The following ERCC1 variants were observed in gnomAD, a reference collection of about 807,000 sequenced individuals.
ERCC1 encodes DNA excision repair protein ERCC-1.
A neutral mutation model predicts 37.6 loss-of-function variants in ERCC1; 36 were observed. The observed-to-expected ratio is 0.96, with a 90% CI of 0.73 to 1.26. The LOEUF (loss-of-function observed/expected upper bound fraction) is 1.26, where lower values mean the gene tolerates loss of function less well. ERCC1 is among the 50% of genes most tolerant of loss of function. ERCC1 has a pLI of 0.00. For missense variants in ERCC1, 349 were observed against 376.5 expected, an observed-to-expected ratio of 0.93 and a Z score of 0.60; for synonymous variants, 156 against 162.1, an observed-to-expected ratio of 0.96 and a Z score of 0.28.
rs755959333 is a variant in ERCC1, at chr19:45,414,973, G to C, written c.603-13C>G. Reference sequence around the variant, plus strand: ...AGCTTCCTCGGGGCTGGGATAACAGGATACAGGGCAGCCGGGAGGTGAGGT... The same window carrying C: ...AGCTTCCTCGGGGCTGGGATAACAGCATACAGGGCAGCCGGGAGGTGAGGT... On this transcript the variant is annotated splice_polypyrimidine_tract_variant and intron_variant, in intron 6 of 9. Transcript: ENST00000300853. 1 of 1,596,292 alleles carries C rather than the reference G, an allele frequency of 6.3e-7. No individual in the cohort carries two copies. Among genetic ancestry groups the C allele is most frequent in the Non-Finnish European group, 8.6e-7 (1 of 1,163,942 alleles).
chr19:45,422,302 C>T (rs528133757), intron 2 of ERCC1, among the ~76,000 whole-genome samples: 9 of 152,198 alleles, frequency 5.9e-5, no homozygotes, highest in African/African-American at 2.2e-4. Flanking sequence ...TTCTCTACTC[C>T]AGCCCCACCA....
chr19:45,424,107 C>T (rs930866027), upstream of ERCC1: 6 of 1,020,748 alleles, frequency 5.9e-6, no homozygotes, highest in Non-Finnish European at 7.1e-6. Context: ...CCTGGCAGGG[C>T]TCAGTGGAGA....
In ERCC1 at chr19:45,409,482, A is replaced by T. The variant is rs2123436325; in HGVS notation, c.*193T>A. ...GGCCGGGACAAGAAGCGGAAGCAGC[A>T]GCAGCAGCAGCCTGTGTAGTCTGCC... On this transcript the variant is annotated 3_prime_UTR_variant, in exon 10 of 10. Transcript: ENST00000300853. 1 of 1,608,874 alleles carries T rather than the reference A, an allele frequency of 6.2e-7. No individual in the cohort carries two copies. The highest frequency in any genetic ancestry group is 8.5e-7 in the Non-Finnish European group (1 of 1,178,520).
intron 1 of ERCC1, among the ~76,000 whole-genome samples, chr19:45,432,045 C>T (rs1045647942): frequency 2.0e-5 from 3 of 152,050 alleles, no homozygotes; most frequent in African/African-American, 7.2e-5. Flanking sequence ...AATCTTGGCT[C>T]GCTGCAACCT....
intron 5 of ERCC1, among the ~76,000 whole-genome samples, chr19:45,417,830 G>A (rs373871799): frequency 6.6e-6 from 1 of 152,086 alleles, no homozygotes; most frequent in South Asian, 2.1e-4. Context: ...CTCCTGAGTA[G>A]CTGGGACTAT....
chr19:45,451,138 T>G (rs1236705754), intron 1 of ERCC1, among the ~76,000 whole-genome samples: 2 of 152,024 alleles, frequency 1.3e-5, no homozygotes, highest in Admixed American at 1.3e-4. Context: ...ACAGCCGCCG[T>G]CTGTTGTCGC....
chr19:45,421,340 G>A lies in ERCC1; in HGVS notation c.159C>T (p.Ala53=). The change falls in exon 3 of 10, where the codon GCC becomes GCT. Residue 53 remains alanine, a synonymous_variant. Coordinates refer to ENST00000300853, the MANE Select transcript of ERCC1 (RefSeq NM_001983.4). ...CGGCGTAGGTCTGAGGGGCCGCCTG[G>A]GCCGAGGTGTCCACAGTGGGAAGGC... is the stretch of plus-strand genomic sequence containing the variant. ...TQSLPTVDTS[A]QAAPQTYAEY... 1 of 1,614,038 alleles carries A rather than the reference G, an allele frequency of 6.2e-7. No individual in the cohort carries two copies. Among genetic ancestry groups the A allele is most frequent in the Non-Finnish European group, 8.5e-7 (1 of 1,180,024 alleles).
At chr19:45,429,071 G>T (rs2123564951) in intron 1 of ERCC1, 1 of 152,410 alleles carries the variant, frequency 6.6e-6, no homozygotes, top group Non-Finnish European at 1.5e-5. Context: ...CCAAGTCTCC[G>T]CTGGAGAGGC....
intron 1 of ERCC1, among the ~76,000 whole-genome samples, chr19:45,441,402 G>A: frequency 6.6e-6 from 1 of 152,168 alleles, no homozygotes; most frequent in Admixed American, 6.5e-5. Context: ...GGATGGCGGG[G>A]GGGTCATCCC....
Position 45,423,824 on chromosome 19 carries a change from T to C in ERCC1, c.-51A>G. 1 of 1,133,208 alleles carries C rather than the reference T, an allele frequency of 8.8e-7. No homozygotes were observed. The highest frequency in any genetic ancestry group is 1.1e-6 in the Non-Finnish European group (1 of 916,836). The allele number at this position is 1,133,208 out of a possible 1,614,324, so 70.2% of individuals were successfully genotyped here. A position where few individuals can be genotyped will look rare whatever the true frequency, so the allele number is the denominator to read the frequency against. ...GGTTTCAGCGCCGCGAGGCCTCACCTGCTGGTCTTGGAGCCTCAAGGGAAA... is the reference window on the plus strand; with the variant it reads ...GGTTTCAGCGCCGCGAGGCCTCACCCGCTGGTCTTGGAGCCTCAAGGGAAA... On this transcript the variant is annotated 5_prime_UTR_variant, in exon 1 of 10. Coordinates refer to ENST00000300853, the MANE Select transcript of ERCC1 (RefSeq NM_001983.4).
Position 45,420,280 on chromosome 19 carries a change from T to C in ERCC1, c.425+44A>G. 1 of 1,264,072 alleles carries C rather than the reference T, an allele frequency of 7.9e-7. No individual in the cohort carries two copies. Among genetic ancestry groups the C allele is most frequent in the Non-Finnish European group, 1.1e-6 (1 of 873,480 alleles). 78.3% of individuals were successfully genotyped at this position (1,264,072 alleles called of 1,614,324 possible). A position where few individuals can be genotyped will look rare whatever the true frequency, so the allele number is the denominator to read the frequency against. On this transcript the variant is annotated intron_variant, in intron 4 of 9. Transcript: ENST00000300853. The surrounding 1 kb of genome is among the most constrained non-coding windows in gnomAD (Gnocchi z 4.8). ...CTGGGACATGACCCTCCCAGGCCAG[T>C]GGGGTGCCCTTCCTGAAGTCTGGGG...
In ERCC1 at chr19:45,410,650, C is replaced by T. The variant is rs1013566883; in HGVS notation, c.844-925G>A. 2.7e-5 allele frequency: 4 copies of T among 148,654 alleles called. No individual in the cohort carries two copies. In the Admixed American group the frequency reaches 2.8e-4, roughly 10 times the overall value. 9.2% of individuals were successfully genotyped at this position (148,654 alleles called of 1,614,324 possible). A position where few individuals can be genotyped will look rare whatever the true frequency, so the allele number is the denominator to read the frequency against. ...GCCAGCCCCTAACTACCCTCCCCAG[C>T]CTCCAGGAACTATCCATCCACTCTT... On this transcript the variant is annotated intron_variant, in intron 9 of 9. Transcript: ENST00000300853.
chr19:45,421,563 G>C (rs550055848), intron 2 of ERCC1, among the ~76,000 whole-genome samples, 170 bp from the exon 3 acceptor site: 1 of 151,712 alleles, frequency 6.6e-6, no homozygotes, highest in East Asian at 1.9e-4. Context: ...TCCACCTCCC[G>C]GGTTCAAGCA....
intron 1 of ERCC1, among the ~76,000 whole-genome samples, chr19:45,430,821 G>T (rs1406064034): frequency 1.3e-5 from 2 of 152,078 alleles, no homozygotes; most frequent in Non-Finnish European, 2.9e-5. Context: ...GGAGGCCGAG[G>T]TGGGAGAATT....
chr19:45,417,878 T>TG (rs1172317575), intron 5 of ERCC1, among the ~76,000 whole-genome samples: 16 of 151,862 alleles, frequency 1.1e-4, no homozygotes, highest in African/African-American at 3.1e-4. Flanking sequence ...TTTGTAGAGA[T>TG]GGGGGTCTTC....
chr19:45,414,042 G>A lies in ERCC1; in HGVS notation c.703-8C>T. On this transcript the variant is annotated splice_polypyrimidine_tract_variant and splice_region_variant and intron_variant, in intron 7 of 9. Transcript: ENST00000300853. ...GGTCAGACATTCAGTCACCTGGAAA[G>A]GGTGGAGGCAGGAGTGTGTCGGAAG... 1 of 1,611,624 alleles carries A rather than the reference G, an allele frequency of 6.2e-7. No homozygotes were observed. Among genetic ancestry groups the A allele is most frequent in the South Asian group, 1.1e-5 (1 of 91,048 alleles).
At chr19:45,428,216 T>TG (rs1478035772), upstream of ERCC1, among the ~76,000 whole-genome samples, 1 of 137,474 alleles carries the variant, frequency 7.3e-6, no homozygotes. Flanking sequence ...ACCGAGTAGC[T>TG]GGACCACAGG....
intron 1 of ERCC1, among the ~76,000 whole-genome samples, chr19:45,449,442 C>T (rs1211619533): frequency 6.6e-6 from 1 of 151,946 alleles, no homozygotes; most frequent in Non-Finnish European, 1.5e-5. Flanking sequence ...ATTGGGTGAG[C>T]CCAGGAGGAG....
chr19:45,445,533 T>C (rs61038465), intron 1 of ERCC1, among the ~76,000 whole-genome samples: 9,564 of 151,736 alleles, frequency 0.063, 989 homozygotes, highest in African/African-American at 0.22. Flanking sequence ...AGACAGGGGG[T>C]TGGGGGTTGC....
Sources: allele counts gnomAD v4.1 joint callset (sites outside exome capture counted in the v4.1 genomes callset), GRCh38; gene constraint gnomAD v4.1.1; non-coding constraint Gnocchi (gnomAD v3.1); transcripts MANE v1.5; gene names NCBI Gene and HGNC (gene_info 2026-07-23, HGNC 2026-07-21).